PRKAG2: variants seen among roughly 807,000 people sequenced by gnomAD.
The protein encoded by PRKAG2 is 5'-AMP-activated protein kinase subunit gamma-2.
In PRKAG2, 26 loss-of-function variants were observed where a neutral mutation model predicts 69.6. That is an observed-to-expected ratio of 0.37 (90% confidence interval 0.27 to 0.52). The LOEUF (loss-of-function observed/expected upper bound fraction) is 0.52, where lower values mean the gene tolerates loss of function less well. Among genes scored for constraint, PRKAG2 ranks in the 20% least tolerant of loss-of-function variants. The pLI is 0.90. For synonymous variants in PRKAG2, 293 were observed against 285.0 expected, an observed-to-expected ratio of 1.03 and a Z score of -0.28; for missense variants, 557 against 740.0, an observed-to-expected ratio of 0.75 and a Z score of 2.87.
At chr7:151,647,458 C>T (rs1452839541) in intron 4 of PRKAG2, among the ~76,000 whole-genome samples, 1 of 152,082 alleles carries the variant, frequency 6.6e-6, no homozygotes, top group Non-Finnish European at 1.5e-5. Flanking sequence ...TAAAAAATTA[C>T]AAAGTAATTT....
At chr7:151,681,583 CTTT>C (rs962361870) in intron 3 of PRKAG2, among the ~76,000 whole-genome samples, 14 of 151,516 alleles carry the variant, frequency 9.2e-5, no homozygotes, top group African/African-American at 3.4e-4. Flanking sequence ...AGCATCAACA[CTTT>C]TTTTTTGTTT....
intron 15 of PRKAG2, chr7:151,557,738 C>T (rs1403801985): frequency 2.8e-5 from 13 of 462,380 alleles, no homozygotes; most frequent in Middle Eastern, 1.1e-3. Flanking sequence ...GGCGTAGTGG[C>T]GGGCGCCTGT....
intron 1 of PRKAG2, among the ~76,000 whole-genome samples, chr7:151,842,222 TA>T (rs2079317011): frequency 8.7e-6 from 1 of 114,606 alleles, no homozygotes. Flanking sequence ...TGATGGTAGG[TA>T]GTGATGATGG....
chr7:151,829,484 G>A (rs7800364), intron 1 of PRKAG2, among the ~76,000 whole-genome samples: 37,672 of 151,608 alleles, frequency 0.25, 5,364 homozygotes, highest in Non-Finnish European at 0.29. Context: ...AAAGTTAAAT[G>A]TAAAGTCACA....
chr7:151,621,421 G>A (rs1436601363), intron 5 of PRKAG2, among the ~76,000 whole-genome samples: 2 of 152,200 alleles, frequency 1.3e-5, no homozygotes, highest in Admixed American at 6.5e-5. Flanking sequence ...AATAGCTCAC[G>A]CCTGTAATCT....
At chr7:151,783,492 G>A (rs538536040) in intron 2 of PRKAG2, among the ~76,000 whole-genome samples, 79 of 129,286 alleles carry the variant, frequency 6.1e-4, no homozygotes, top group African/African-American at 2.2e-3. Flanking sequence ...AGTTGTCCAT[G>A]CCCAGCTGAT....
chr7:151,584,898 AAAAT>A (rs1346693097), intron 6 of PRKAG2, among the ~76,000 whole-genome samples: 2 of 152,146 alleles, frequency 1.3e-5, no homozygotes. Context: ...CCCTATCTCT[AAAAT>A]AAATAAATAA....
At chr7:151,691,506 A>G (rs891562530) in intron 3 of PRKAG2, among the ~76,000 whole-genome samples, 4 of 151,652 alleles carry the variant, frequency 2.6e-5, no homozygotes, top group Non-Finnish European at 5.9e-5. Context: ...AAAAGTGGAC[A>G]GAAGATTTAA....
Position 151,814,408 on chromosome 7 carries a change from C to G in PRKAG2, c.115-27867G>C. ...ATTTAGAAAGCCAGCTCCCGCAGGT[C>G]TGCTTACTCAGCCCCAAGGGGTCCT... On this transcript the variant is annotated intron_variant, in intron 1 of 15. Coordinates refer to ENST00000287878, the MANE Select transcript of PRKAG2 (RefSeq NM_016203.4). The surrounding 1 kb of genome is among the most constrained non-coding windows in gnomAD (Gnocchi z 4.8). 1.6e-6 allele frequency: 2 copies of G among 1,226,442 alleles called. No homozygotes were observed. The highest frequency in any genetic ancestry group is 4.3e-5 in the South Asian group (1 of 23,414). 76.0% of individuals were successfully genotyped at this position (1,226,442 alleles called of 1,614,324 possible).
At chr7:151,611,882 C>G (rs1369012542) in intron 5 of PRKAG2, among the ~76,000 whole-genome samples, 2 of 152,118 alleles carry the variant, frequency 1.3e-5, no homozygotes, top group Non-Finnish European at 2.9e-5. Context: ...GAAACCTCAG[C>G]TAAGATACAA....
chr7:151,783,878 C>G (rs985042832), intron 2 of PRKAG2, among the ~76,000 whole-genome samples: 6 of 143,604 alleles, frequency 4.2e-5, no homozygotes, highest in African/African-American at 1.3e-4. Flanking sequence ...CTACTGTACT[C>G]CAGCCAGCTT....
chr7:151,870,773 G>A (rs1232145418), intron 1 of PRKAG2, among the ~76,000 whole-genome samples: 3 of 152,228 alleles, frequency 2.0e-5, no homozygotes, highest in Non-Finnish European at 4.4e-5. Context: ...TGGCCTTCTC[G>A]CAGCGCGGGG....
At chr7:151,745,636 C>T (rs1055319782) in intron 3 of PRKAG2, among the ~76,000 whole-genome samples, 1 of 152,142 alleles carries the variant, frequency 6.6e-6, no homozygotes. Context: ...CTCACACCAG[C>T]GATATCTAAG....
chr7:151,859,148 C>G (rs56105017), intron 1 of PRKAG2, among the ~76,000 whole-genome samples: 13,332 of 152,334 alleles, frequency 0.088, 833 homozygotes, highest in East Asian at 0.16. Flanking sequence ...GGGCCTCCAG[C>G]AAACAGCCGA....
intron 1 of PRKAG2, among the ~76,000 whole-genome samples, chr7:151,855,296 A>ACG (rs2079716503): frequency 1.1e-5 from 1 of 90,346 alleles, no homozygotes; most frequent in Non-Finnish European, 2.2e-5. Flanking sequence ...CCCTCCACAC[A>ACG]CCACCCTCCA....
At chr7:151,782,269 C>T (rs981806916) in intron 2 of PRKAG2, among the ~76,000 whole-genome samples, 5 of 144,036 alleles carry the variant, frequency 3.5e-5, no homozygotes, top group African/African-American at 1.0e-4. Context: ...GGCAACAAAA[C>T]GAGACTCCAT....
Position 151,699,943 on chromosome 7 carries a change from T to C in PRKAG2, c.467-24306A>G, listed in dbSNP as rs1020744606. Among the ~76,000 whole-genome samples, 2 of 152,128 alleles carry C rather than the reference T, an allele frequency of 1.3e-5. No homozygotes were observed. Among genetic ancestry groups the C allele is most frequent in the Non-Finnish European group, 2.9e-5 (2 of 68,018 alleles). ...GCTGCCACAGGCGGCCGCAGATGGG[T>C]GCCCCCACATTGCAGAAACAGCCTC... On this transcript the variant is annotated intron_variant, in intron 3 of 15. Transcript: ENST00000287878. The surrounding 1 kb of genome is among the most constrained non-coding windows in gnomAD (Gnocchi z 4.5).
intron 5 of PRKAG2, among the ~76,000 whole-genome samples, chr7:151,606,655 A>G (rs114884700): frequency 0.018 from 2,785 of 152,224 alleles, 78 homozygotes; most frequent in African/African-American, 0.063. Flanking sequence ...CCCCATCTCT[A>G]TGAAAAATAC....
At chr7:151,736,480 A>G in intron 3 of PRKAG2, 14 of 863,330 alleles carry the variant, frequency 1.6e-5, no homozygotes, top group African/African-American at 1.9e-5. Context: ...GCAGCCGTGC[A>G]TGATGTCTCT....
Sources: gnomAD v4.1 joint callset for allele counts (sites outside exome capture counted in the v4.1 genomes callset) on GRCh38, gnomAD v4.1.1 for gene constraint, Gnocchi (gnomAD v3.1) non-coding constraint, MANE v1.5 for transcripts, NCBI Gene and HGNC (gene_info 2026-07-23, HGNC 2026-07-21) for gene names.